EOMES: variants seen among roughly 807,000 people sequenced by gnomAD.
The protein encoded by EOMES is eomesodermin homolog.
In EOMES, 18 loss-of-function variants were observed where a neutral mutation model predicts 61.0. The observed-to-expected ratio is 0.30, with a 90% CI of 0.20 to 0.44. The LOEUF (loss-of-function observed/expected upper bound fraction) is 0.44, where lower values mean the gene tolerates loss of function less well. Among genes scored for constraint, EOMES ranks in the 20% least tolerant of loss-of-function variants. The pLI, the probability that EOMES is intolerant of heterozygous loss-of-function variation, is 1.00. For synonymous variants in EOMES, 430 were observed against 394.0 expected, an observed-to-expected ratio of 1.09 and a Z score of -1.08; for missense variants, 885 against 939.2, an observed-to-expected ratio of 0.94 and a Z score of 0.75.
Position 27,720,202 on chromosome 3 carries a change from C to T in EOMES, c.1005G>A (p.Val335=). 3.1e-6 allele frequency: 5 copies of T among 1,605,350 alleles called. No homozygotes were observed. The South Asian group carries it at 3.3e-5, about 11-fold the overall frequency. ...TGTTATTGTCGGCTTTGCCACAGGT[C>T]ACCCATTTGCCCCCCTGGAAGCGCC... The part of the protein sequence containing the change: ...NHWRFQGGKW[V]TCGKADNNMQ... Residue 335 remains valine (V), a synonymous_variant, in exon 2 of 6, where the codon GTG becomes GTA. Transcript: ENST00000449599.
chr3:27,719,516 C>T (rs768818974), intron 2 of EOMES, 35 bp from the exon 3 acceptor site: 1 of 1,600,564 alleles, frequency 6.2e-7, no homozygotes, highest in East Asian at 2.2e-5. Context: ...AAAACCCAAG[C>T]ATATAGGGCT....
chr3:27,719,263 A>C, intron 3 of EOMES, 97 bp downstream of exon 3: 8 of 1,279,986 alleles, frequency 6.3e-6, no homozygotes, highest in Non-Finnish European at 8.8e-6. Flanking sequence ...TCACAAATGC[A>C]AATATTATAA....
In EOMES at chr3:27,721,963, TC is replaced by T; in HGVS notation, c.331del (p.Glu111ArgfsTer29). 7.0e-7 allele frequency: 1 copy of T among 1,426,922 alleles called. No individual in the cohort carries two copies. Among genetic ancestry groups the T allele is most frequent in the Non-Finnish European group, 9.1e-7 (1 of 1,100,888 alleles). The allele number at this position is 1,426,922 out of a possible 1,614,324, so 88.4% of individuals were successfully genotyped here. ...PDGRKGSPCG[E>X]EELPSAAAAA... Reference sequence around the variant, plus strand: ...TGCAGCGGCGGAGGGCAGCTCCTCCTCCCCGCAGGGGGAGCCCTTGCGGCCG... The same window carrying T: ...TGCAGCGGCGGAGGGCAGCTCCTCCTCCCGCAGGGGGAGCCCTTGCGGCCG... On this transcript the variant is annotated frameshift_variant, in exon 1 of 6. Transcript: ENST00000449599. LOFTEE classifies it high-confidence loss of function. The surrounding 1 kb of genome is among the most constrained non-coding windows in gnomAD (Gnocchi z 7.4).
At position 27,720,336 on chromosome 3, in the gene EOMES, G is replaced by C. The variant is rs767673426; in HGVS notation, c.882-11C>G. On this transcript the variant is annotated splice_polypyrimidine_tract_variant and intron_variant, in intron 1 of 5. Coordinates refer to ENST00000449599, the MANE Select transcript of EOMES (RefSeq NM_001278182.2). ...AAAGGAAACATGCGCCTGTGCAAGG[G>C]AATAGAATCAGAAAAATCGATTTTA... is the stretch of plus-strand genomic sequence containing the variant. 6.2e-7 allele frequency: 1 copy of C among 1,613,288 alleles called. No homozygotes were observed. The highest frequency in any genetic ancestry group is 8.5e-7 in the Non-Finnish European group (1 of 1,179,354).
Position 27,720,085 on chromosome 3 carries a change from C to G in EOMES, c.1036+86G>C. The G allele has an allele frequency of 2.3e-6, 3 of 1,325,160 alleles. No homozygotes were observed. In the East Asian group the frequency reaches 7.1e-5, roughly 31 times the overall value. 82.1% of individuals were successfully genotyped at this position (1,325,160 alleles called of 1,614,324 possible). On this transcript the variant is annotated intron_variant, in intron 2 of 5. Transcript: ENST00000449599. ...AGAATGGAAGGGGAAAAAAAAAGTG[C>G]TACATTTAAATGTGAGTTGTGTGAG... is the stretch of plus-strand genomic sequence containing the variant.
chr3:27,718,921 A>G, intron 3 of EOMES, 28 bp from the exon 4 acceptor site: 11 of 1,562,004 alleles, frequency 7.0e-6, no homozygotes, highest in Non-Finnish European at 7.8e-6. Flanking sequence ...AAAAATTGCT[A>G]AATCTAAAAA....
chr3:27,720,071 G>C, intron 2 of EOMES, 100 bp downstream of exon 2: 5 of 1,203,550 alleles, frequency 4.2e-6, no homozygotes, highest in Non-Finnish European at 5.8e-6. Context: ...GAATGGAAGG[G>C]GAAAAAAAAA....
intron 1 of EOMES, among the ~76,000 whole-genome samples, chr3:27,720,692 T>C (rs1275955957): frequency 1.3e-5 from 2 of 152,122 alleles, no homozygotes; most frequent in Non-Finnish European, 2.9e-5. Context: ...AATTTTTAAA[T>C]GCACCATTTT....
rs372426145 is a variant in EOMES, at chr3:27,722,178, C to T, written c.117G>A (p.Ala39=). The change falls in exon 1 of 6, where the codon GCG becomes GCA. Residue 39 remains alanine, a synonymous_variant. Transcript: ENST00000449599. ...AGTCCAACTTCTGAGGAGAGGGGGC[C>T]GCGCTGGGGAGGTGGCCAGCGCTCC... ...SGGSAGHLPS[A]APSPQKLDLD... is the part of the protein sequence containing the mutation. 1.7e-5 allele frequency: 27 copies of T among 1,592,274 alleles called. No individual in the cohort carries two copies. The Middle Eastern group carries it at 6.6e-4, about 39-fold the overall frequency.
chr3:27,717,842 AAAAAC>A lies in EOMES; in HGVS notation c.1380-39_1380-35del. The A allele has an allele frequency of 6.9e-7, 1 of 1,452,098 alleles. No homozygotes were observed. Among genetic ancestry groups the A allele is most frequent in the Non-Finnish European group, 9.2e-7 (1 of 1,091,672 alleles). 90.0% of individuals were successfully genotyped at this position (1,452,098 alleles called of 1,614,324 possible). On this transcript the variant is annotated intron_variant, in intron 5 of 5. Transcript: ENST00000449599. This position sits in a 1 kb window ranked among gnomAD's most constrained non-coding sequence, Gnocchi z 4.5. ...TAAAGAGAAACACTTAAAAAAAAAA[AAAAAC>A]CCTAATGTTGTCCCCAAACAAACCA...
Position 27,718,806 on chromosome 3 carries a change from G to T in EOMES, c.1246C>A (p.Pro416Thr), listed in dbSNP as rs749397900. The change falls in exon 4 of 6, where the codon CCC (proline) becomes ACC (threonine). Residue 416 changes from proline to threonine, a missense_variant. This residue lies in a region of EOMES where 177 missense variants were observed against 273.3 expected (regional missense o/e 0.65). Coordinates refer to ENST00000449599, the MANE Select transcript of EOMES (RefSeq NM_001278182.2). ...AAGGTAAAAGTCTGGGTCTTTGAGGGCTCATTCAAGTCCTCCACGCCATCC... is the reference window on the plus strand; with the variant it reads ...AAGGTAAAAGTCTGGGTCTTTGAGGTCTCATTCAAGTCCTCCACGCCATCC... ...TEDGVEDLNE[P>T]SKTQTFTFSE... 22 of 1,613,516 alleles carry T rather than the reference G, an allele frequency of 1.4e-5. No homozygotes were observed.
rs757571435 is a variant in EOMES, at chr3:27,719,494, G to A, written c.1037-13C>T. ...TACATTTTGTTGCCTAAGAGAAAATGAAACAAAACACAAAACCCAAGCATA... is the reference window on the plus strand; with the variant it reads ...TACATTTTGTTGCCTAAGAGAAAATAAAACAAAACACAAAACCCAAGCATA... On this transcript the variant is annotated splice_polypyrimidine_tract_variant and intron_variant, in intron 2 of 5. Coordinates refer to ENST00000449599, the MANE Select transcript of EOMES (RefSeq NM_001278182.2). 6.2e-7 allele frequency: 1 copy of A among 1,611,902 alleles called. No individual in the cohort carries two copies. The highest frequency in any genetic ancestry group is 1.7e-5 in the Admixed American group (1 of 59,688).
chr3:27,717,942 A>G lies in EOMES; in HGVS notation c.1380-134T>C, dbSNP rs982970282. The G allele has an allele frequency of 7.5e-6, 5 of 666,078 alleles. No individual in the cohort carries two copies. Among genetic ancestry groups the G allele is most frequent in the Non-Finnish European group, 1.2e-5 (5 of 412,412 alleles). 41.3% of individuals were successfully genotyped at this position (666,078 alleles called of 1,614,324 possible). A position where few individuals can be genotyped will look rare whatever the true frequency, so the allele number is the denominator to read the frequency against. ...AGTGCTGGTCTGTTGGGCTGAAAGA[A>G]CAGAGGCAGGAGATGCACTGGCCCA... On this transcript the variant is annotated intron_variant, in intron 5 of 5. Coordinates refer to ENST00000449599, the MANE Select transcript of EOMES (RefSeq NM_001278182.2). This position sits in a 1 kb window ranked among gnomAD's most constrained non-coding sequence, Gnocchi z 4.5.
rs2060610400 is a variant in EOMES at position 27,721,260 on chromosome 3, G to T, written c.881+154C>A. ...ACTGACACAGAGGGACACCGCATTGGAGATGCGGTGTCTACGGAGATTTAT... is the reference window on the plus strand; with the variant it reads ...ACTGACACAGAGGGACACCGCATTGTAGATGCGGTGTCTACGGAGATTTAT... On this transcript the variant is annotated intron_variant, in intron 1 of 5. Transcript: ENST00000449599. The surrounding 1 kb of genome is among the most constrained non-coding windows in gnomAD (Gnocchi z 7.4). 1.3e-5 allele frequency among the ~76,000 whole-genome samples: 2 copies of T among 151,680 alleles called. No individual in the cohort carries two copies. Among genetic ancestry groups the T allele is most frequent in the Non-Finnish European group, 2.9e-5 (2 of 67,906 alleles).
chr3:27,719,430 A>G lies in EOMES; in HGVS notation c.1088T>C (p.Met363Thr). The G allele has an allele frequency of 6.2e-7, 1 of 1,613,010 alleles. No individual in the cohort carries two copies. The highest frequency in any genetic ancestry group is 8.5e-7 in the Non-Finnish European group (1 of 1,178,984). ...PESPNTGSHW[M>T]RQEISFGKLK... Reference sequence around the variant, plus strand: ...TTTCCCGAATGAAATCTCCTGTCTCATCCAGTGGGAACCAGTATTAGGAGA... The same window carrying G: ...TTTCCCGAATGAAATCTCCTGTCTCGTCCAGTGGGAACCAGTATTAGGAGA... The change falls in exon 3 of 6, where the codon ATG becomes ACG. Residue 363 changes from methionine (M) to threonine (T), a missense_variant. By Grantham distance (81) the Met-to-Thr change is moderately conservative. Around this residue, in one of 3 missense-constraint regions of EOMES, gnomAD observed 177 missense variants for 273.3 expected, o/e 0.65. Coordinates refer to ENST00000449599, the MANE Select transcript of EOMES (RefSeq NM_001278182.2).
intron 1 of EOMES, among the ~76,000 whole-genome samples, chr3:27,720,858 T>C (rs1459225297): frequency 1.3e-5 from 2 of 152,128 alleles, no homozygotes; most frequent in Non-Finnish European, 1.5e-5. Context: ...ATCAGAACTT[T>C]CTCGCGCACC....
At position 27,716,994 on chromosome 3, in the gene EOMES, G is replaced by A. The variant is rs563192035; in HGVS notation, c.*76C>T. The stretch of plus-strand genomic sequence containing the variant: ...AGGCAAACATCTTTTTGGCAACCTA[G>A]GCAAAGAAGACAACAAAAAACACCA... On this transcript the variant is annotated 3_prime_UTR_variant, in exon 6 of 6. Transcript: ENST00000449599. 8.6e-6 allele frequency: 10 copies of A among 1,169,352 alleles called. No homozygotes were observed. The African/African-American group carries it at 1.2e-4, about 14-fold the overall frequency. 72.4% of individuals were successfully genotyped at this position (1,169,352 alleles called of 1,614,324 possible).
chr3:27,721,700 C>A lies in EOMES; in HGVS notation c.595G>T (p.Ala199Ser), dbSNP rs1027494935. ...SMLPPGGFPA[A>S]VCPPGRAQFG... Reference sequence around the variant, plus strand: ...TGCGCCCTCCCGGGTGGGCACACAGCCGCGGGGAAGCCGCCGGGGGGCAGC... The same window carrying A: ...TGCGCCCTCCCGGGTGGGCACACAGACGCGGGGAAGCCGCCGGGGGGCAGC... Residue 199 changes from alanine (A) to serine (S), a missense_variant, in exon 1 of 6, where the codon GCT becomes TCT. Around this residue, in one of 3 missense-constraint regions of EOMES, gnomAD observed 449 missense variants for 383.6 expected, o/e 1.17. Coordinates refer to ENST00000449599, the MANE Select transcript of EOMES (RefSeq NM_001278182.2). This position sits in a 1 kb window ranked among gnomAD's most constrained non-coding sequence, Gnocchi z 7.4. 3.3e-6 allele frequency: 5 copies of A among 1,495,390 alleles called. No individual in the cohort carries two copies. The highest frequency in any genetic ancestry group is 2.9e-5 in the African/African-American group (2 of 68,146). 92.6% of individuals were successfully genotyped at this position (1,495,390 alleles called of 1,614,324 possible).
rs532246295 is a variant in EOMES at position 27,720,103 on chromosome 3, T to C, written c.1036+68A>G. ...AAAAGTGCTACATTTAAATGTGAGT[T>C]GTGTGAGTCGAGGGTTACGATTTCT... is the stretch of plus-strand genomic sequence containing the variant. On this transcript the variant is annotated intron_variant, in intron 2 of 5. Coordinates refer to ENST00000449599, the MANE Select transcript of EOMES (RefSeq NM_001278182.2). The C allele has an allele frequency of 9.8e-6, 14 of 1,424,334 alleles. No homozygotes were observed. In the African/African-American group the frequency reaches 2.0e-4, roughly 20 times the overall value. The allele number at this position is 1,424,334 out of a possible 1,614,324, so 88.2% of individuals were successfully genotyped here.
Sources: gnomAD v4.1 joint callset for allele counts (sites outside exome capture counted in the v4.1 genomes callset) on GRCh38, gnomAD v4.1.1 for gene constraint, gnomAD v4.1.1 regional missense constraint, Gnocchi (gnomAD v3.1) non-coding constraint, MANE v1.5 for transcripts, NCBI Gene and HGNC (gene_info 2026-07-23, HGNC 2026-07-21) for gene names.